The following PACRG variants were observed in gnomAD, a reference collection of about 807,000 sequenced individuals.
PACRG encodes parkin coregulated, also known as parkin coregulated gene protein.
Under a neutral mutation model 29.7 loss-of-function variants are expected in PACRG, and 29 were observed. The ratio of observed to expected loss-of-function variants is 0.98; its 90% confidence interval spans 0.73 to 1.33. PACRG has a LOEUF of 1.33. Ranked by LOEUF, PACRG falls within the 40% of genes most tolerant of loss-of-function variation. The pLI is 0.00. For missense variants in PACRG, 279 were observed against 316.2 expected (o/e 0.88, Z 0.89); for synonymous variants, 116 against 118.7 (o/e 0.98, Z 0.15).
intron 2 of PACRG, among the ~76,000 whole-genome samples, chr6:162,980,287 G>A (rs1397329822): frequency 1.3e-5 from 2 of 152,054 alleles, no homozygotes; most frequent in East Asian, 1.9e-4. Flanking sequence ...ATAAATGTAT[G>A]CCTAATACTC....
At chr6:162,797,728 G>A (rs1281237802) in intron 1 of PACRG, among the ~76,000 whole-genome samples, 3 of 151,988 alleles carry the variant, frequency 2.0e-5, no homozygotes, top group East Asian at 1.9e-4. Flanking sequence ...CAGACTTTAC[G>A]TCTCTTTCAC....
At chr6:162,935,547 T>C (rs1159562497) in intron 2 of PACRG, among the ~76,000 whole-genome samples, 2 of 152,006 alleles carry the variant, frequency 1.3e-5, no homozygotes, top group African/African-American at 4.8e-5. Flanking sequence ...GATTTTTGTT[T>C]GGTTCTTTTA....
chr6:162,884,558 T>C (rs578161056), intron 2 of PACRG, among the ~76,000 whole-genome samples: 131 of 152,322 alleles, frequency 8.6e-4, no homozygotes, highest in African/African-American at 2.8e-3. Flanking sequence ...TTTGTAAATA[T>C]GAAATTATTT....
In PACRG at chr6:162,923,274, C is replaced by T. The variant is rs141532060; in HGVS notation, c.291+108993C>T. The stretch of plus-strand genomic sequence containing the variant: ...TGAGCTCCTTGCATATTCTGGTGTT[C>T]GTCCCTTGTCAGATGAATAGTTTGT... On this transcript the variant is annotated intron_variant, in intron 2 of 4. Transcript: ENST00000366888. Among the ~76,000 whole-genome samples the T allele has an allele frequency of 2.2e-3, 329 of 152,188 alleles. 2 individuals are homozygous for T. The highest frequency in any genetic ancestry group is 7.4e-3 in the African/African-American group (308 of 41,552).
Position 162,750,836 on chromosome 6 carries a change from A to G in PACRG, c.156+22445A>G, listed in dbSNP as rs1048302019. On this transcript the variant is annotated intron_variant, in intron 1 of 4. Transcript: ENST00000366888. ...GTAGTTTTGTATTTTTCACAAATCT[A>G]TTAACATATAATTGTCCTGTCCTAT... is the stretch of plus-strand genomic sequence containing the variant. 2.0e-5 allele frequency among the ~76,000 whole-genome samples: 3 copies of G among 152,214 alleles called. No individual in the cohort carries two copies. In the South Asian group the frequency reaches 6.2e-4, roughly 31 times the overall value.
intron 2 of PACRG, among the ~76,000 whole-genome samples, chr6:163,047,110 G>A (rs1809478832): frequency 6.6e-6 from 1 of 152,174 alleles, no homozygotes; most frequent in South Asian, 2.1e-4. Flanking sequence ...ATAGGGCCAT[G>A]TTTTACAATT....
intron 4 of PACRG, among the ~76,000 whole-genome samples, chr6:163,234,137 T>C (rs900954953): frequency 5.3e-5 from 8 of 152,222 alleles, no homozygotes; most frequent in Admixed American, 1.3e-4. Context: ...GGTGCAGTTC[T>C]GAGTCTCACC....
intron 2 of PACRG, among the ~76,000 whole-genome samples, chr6:162,894,897 C>T (rs1485897033): frequency 6.6e-6 from 1 of 151,998 alleles, no homozygotes; most frequent in Non-Finnish European, 1.5e-5. Flanking sequence ...TTGCTAAAGG[C>T]ATTTATTAAA....
chr6:162,819,594 C>A (rs1003102972), intron 2 of PACRG, among the ~76,000 whole-genome samples: 1 of 152,148 alleles, frequency 6.6e-6, no homozygotes, highest in Non-Finnish European at 1.5e-5. Context: ...AAGGCGAGAT[C>A]TTTGTCTGTA....
intron 4 of PACRG, among the ~76,000 whole-genome samples, chr6:163,114,708 G>A (rs1419011445): frequency 6.6e-6 from 1 of 152,044 alleles, no homozygotes; most frequent in East Asian, 1.9e-4. Flanking sequence ...TGGGGTGGGA[G>A]AAATAGGGAG....
Position 163,269,948 on chromosome 6 carries a change from AAAGAAAGAAAG to A in PACRG, c.614-44876_614-44866del, listed in dbSNP as rs1783736639. The stretch of plus-strand genomic sequence containing the variant: ...AAAGAAAACAAAGAAAGAAAGAAAG[AAAGAAAGAAAG>A]AAAGAAAGAAAGAAAGAAAGAAAGA... On this transcript the variant is annotated intron_variant, in intron 4 of 4. Transcript: ENST00000366888. Among the ~76,000 whole-genome samples, 38 of 50,824 alleles carry A rather than the reference AAAGAAAGAAAG, an allele frequency of 7.5e-4. 7 individuals carry two copies. The highest frequency in any genetic ancestry group is 6.5e-3 in the East Asian group (11 of 1,696). The allele number at this position is 50,824 out of a possible 152,430, so 33.3% of individuals were successfully genotyped here.
Position 162,827,255 on chromosome 6 carries a change from T to G in PACRG, c.291+12974T>G, listed in dbSNP as rs1186913170. On this transcript the variant is annotated intron_variant, in intron 2 of 4. Transcript: ENST00000366888. ...ATTTGGGAATCTCTAGCTTTTTCTGTTGGTGTGGGCTATAATTTCAACACT... is the reference window on the plus strand; with the variant it reads ...ATTTGGGAATCTCTAGCTTTTTCTGGTGGTGTGGGCTATAATTTCAACACT... Among the ~76,000 whole-genome samples the G allele has an allele frequency of 2.0e-5, 3 of 152,306 alleles. No individual in the cohort carries two copies. The East Asian group carries it at 5.8e-4, about 29-fold the overall frequency.
intron 2 of PACRG, among the ~76,000 whole-genome samples, chr6:162,953,946 T>G (rs1209259202): frequency 2.6e-5 from 4 of 152,222 alleles, no homozygotes; most frequent in African/African-American, 9.6e-5. Flanking sequence ...CAAGATGGAA[T>G]ATTAATGTAG....
At chr6:163,145,385 A>AT (rs1360019958) in intron 4 of PACRG, among the ~76,000 whole-genome samples, 2 of 152,274 alleles carry the variant, frequency 1.3e-5, no homozygotes, top group Admixed American at 1.3e-4. Flanking sequence ...TGCAGTGTAC[A>AT]TTTTCCTGTC....
In PACRG at chr6:162,874,151, A is replaced by AT. The variant is rs1554296144; in HGVS notation, c.291+59870_291+59871insT. On this transcript the variant is annotated intron_variant, in intron 2 of 4. Coordinates refer to ENST00000366888, the MANE Select transcript of PACRG (RefSeq NM_001080379.2). ...AACATGAGGGAGTTAAAAAAAAAAA[A>AT]ATATATATATATATATGTATATATA... 6.2e-3 allele frequency among the ~76,000 whole-genome samples: 851 copies of AT among 136,286 alleles called. 11 individuals carry two copies. Among genetic ancestry groups the AT allele is most frequent in the East Asian group, 0.013 (59 of 4,656 alleles). 89.4% of individuals were successfully genotyped at this position (136,286 alleles called of 152,430 possible).
chr6:162,947,358 TAATGTA>T lies in PACRG; in HGVS notation c.292-114790_292-114785del, dbSNP rs1562765753. ...CATATATATAATGATTACATATATA[TAATGTA>T]ATCATATATAATCATATATATAATC... On this transcript the variant is annotated intron_variant, in intron 2 of 4. Coordinates refer to ENST00000366888, the MANE Select transcript of PACRG (RefSeq NM_001080379.2). 4.5e-4 allele frequency among the ~76,000 whole-genome samples: 25 copies of T among 56,004 alleles called. 4 individuals carry two copies. The highest frequency in any genetic ancestry group is 5.0e-4 in the African/African-American group (7 of 13,974). The allele number at this position is 56,004 out of a possible 152,430, so 36.7% of individuals were successfully genotyped here.
At chr6:163,308,230 T>A (rs1785264061) in intron 4 of PACRG, among the ~76,000 whole-genome samples, 1 of 152,270 alleles carries the variant, frequency 6.6e-6, no homozygotes, top group African/African-American at 2.4e-5. Context: ...ATATGTTATC[T>A]GTTGAATAAA....
intron 4 of PACRG, among the ~76,000 whole-genome samples, chr6:163,100,612 C>T (rs1296432907): frequency 6.6e-6 from 1 of 152,214 alleles, no homozygotes; most frequent in Admixed American, 6.5e-5. Context: ...CACAGCTCAC[C>T]CAGGTCGAGG....
chr6:162,949,001 G>A (rs987731643), intron 2 of PACRG, among the ~76,000 whole-genome samples: 1 of 151,802 alleles, frequency 6.6e-6, no homozygotes, highest in Non-Finnish European at 1.5e-5. Context: ...TTTACTACTC[G>A]GTGTTTATCC....
Sources: allele counts gnomAD v4.1 joint callset (sites outside exome capture counted in the v4.1 genomes callset), GRCh38; gene constraint gnomAD v4.1.1; transcripts MANE v1.5; gene names NCBI Gene and HGNC (gene_info 2026-07-23, HGNC 2026-07-21).